ANKHD1: variants seen among roughly 807,000 people sequenced by gnomAD.
The protein encoded by ANKHD1 is ankyrin repeat and KH domain containing 1.
Under a neutral mutation model 230.5 loss-of-function variants are expected in ANKHD1, and 31 were observed. That is an observed-to-expected ratio of 0.13 (90% CI 0.10 to 0.18). ANKHD1 has a LOEUF of 0.18. Ranked by LOEUF, ANKHD1 falls within the 10% of genes least tolerant of loss-of-function variation. The pLI is 1.00. For synonymous variants in ANKHD1, 1,074 were observed against 1,117.6 expected, an observed-to-expected ratio of 0.96 and a Z score of 0.78; for missense variants, 2,256 against 3,071.3, an observed-to-expected ratio of 0.73 and a Z score of 6.27.
rs779492199 is a variant in ANKHD1, at chr5:140,510,178, C to G, written c.4101C>G (p.Arg1367=). The G allele has an allele frequency of 1.3e-5, 20 of 1,597,318 alleles. No individual in the cohort carries two copies. Among genetic ancestry groups the G allele is most frequent in the Non-Finnish European group, 1.7e-5 (20 of 1,169,236 alleles). The change falls in exon 22 of 34, where the codon CGC becomes CGG. Residue 1367 remains arginine (R), a synonymous_variant. Coordinates refer to ENST00000360839, the MANE Select transcript of ANKHD1 (RefSeq NM_017747.3). ...RKITPLMSAF[R]KGHVKVVQYL... ...TCACACCTCTTATGTCAGCATTTCG[C>G]AAGGTAATTTGATATGGGGGAAGAA...
intron 10 of ANKHD1, among the ~76,000 whole-genome samples, chr5:140,480,170 T>C (rs1394738983): frequency 6.6e-6 from 1 of 152,074 alleles, no homozygotes; most frequent in Non-Finnish European, 1.5e-5. Context: ...GGCATTGTTT[T>C]ATCAACTTTT....
Position 140,491,160 on chromosome 5 carries a change from A to ATTTTT in ANKHD1, c.2245+4117_2245+4121dup, listed in dbSNP as rs1222038703. 2.5e-3 allele frequency among the ~76,000 whole-genome samples: 113 copies of ATTTTT among 45,664 alleles called. 4 individuals are homozygous for ATTTTT. The highest frequency in any genetic ancestry group is 0.026 in the Middle Eastern group (1 of 38). 30.0% of individuals were successfully genotyped at this position (45,664 alleles called of 152,430 possible). ...TACACATATATATATATATATATATATTTTTTTTTTTTTTTTTTTTTGAGA... is the reference window on the plus strand; with the variant it reads ...TACACATATATATATATATATATATATTTTTTTTTTTTTTTTTTTTTTTTTTGAGA... On this transcript the variant is annotated intron_variant, in intron 14 of 33. Transcript: ENST00000360839.
At chr5:140,458,464 G>A (rs553992106) in intron 7 of ANKHD1, among the ~76,000 whole-genome samples, 161 bp from the exon 8 acceptor site, 2 of 152,130 alleles carry the variant, frequency 1.3e-5, no homozygotes, top group African/African-American at 4.8e-5. Flanking sequence ...CTTTTGATAA[G>A]GCTCAGATGA....
intron 1 of ANKHD1, among the ~76,000 whole-genome samples, chr5:140,428,950 T>G (rs577558764): frequency 1.1e-3 from 160 of 151,150 alleles, no homozygotes; most frequent in African/African-American, 3.8e-3. Context: ...GTCTGGCAAA[T>G]TTTTTTTGTA....
At chr5:140,500,191 A>G (rs141364832) in intron 15 of ANKHD1, among the ~76,000 whole-genome samples, 60 of 152,280 alleles carry the variant, frequency 3.9e-4, no homozygotes, top group African/African-American at 1.4e-3. Context: ...TCTAATATAG[A>G]AAGAAGATTG....
chr5:140,530,873 A>T (rs191932728), intron 29 of ANKHD1, among the ~76,000 whole-genome samples: 12 of 152,368 alleles, frequency 7.9e-5, no homozygotes, highest in Non-Finnish European at 1.6e-4. Context: ...GTTGTTTAAA[A>T]TTATTTGTGA....
chr5:140,428,196 C>T (rs1436356099), intron 1 of ANKHD1, among the ~76,000 whole-genome samples: 3 of 151,972 alleles, frequency 2.0e-5, no homozygotes, highest in Non-Finnish European at 2.9e-5. Flanking sequence ...AGACGATGGG[C>T]GGCCAGGCAG....
intron 6 of ANKHD1, among the ~76,000 whole-genome samples, chr5:140,446,470 C>T (rs1174628200): frequency 4.6e-5 from 7 of 152,172 alleles, no homozygotes; most frequent in South Asian, 4.1e-4. Context: ...AAGTGATTCT[C>T]GTACCTCAGC....
At chr5:140,438,316 C>G in intron 2 of ANKHD1, 145 bp from the exon 3 acceptor site, 2 of 1,209,722 alleles carry the variant, frequency 1.7e-6, no homozygotes, top group Non-Finnish European at 1.1e-6. Context: ...AATTGATAAG[C>G]CTTATCTTCT....
chr5:140,458,591 C>A (rs765628006), intron 7 of ANKHD1, 34 bp from the exon 8 acceptor site: 2 of 1,560,408 alleles, frequency 1.3e-6, no homozygotes, highest in East Asian at 2.3e-5. Context: ...CAAAAAATTT[C>A]TCTCCTTCTT....
chr5:140,529,773 A>G lies in ANKHD1; in HGVS notation c.6827A>G (p.Gln2276Arg), dbSNP rs1753732925. ...SKAPGFRPPS[Q>R]RVSTSPVGLP... ...GCACCTGGCTTCAGACCACCTTCCC[A>G]GCGAGTTTCTACTAGTCCAGTTGGT... The change falls in exon 29 of 34, where the codon CAG becomes CGG. Residue 2276 changes from glutamine (Q) to arginine (R), a missense_variant. Gln to Arg is a conservative substitution (Grantham distance 43). Transcript: ENST00000360839. The G allele has an allele frequency of 1.2e-6, 2 of 1,614,064 alleles. No individual in the cohort carries two copies. The highest frequency in any genetic ancestry group is 1.1e-5 in the South Asian group (1 of 91,026).
intron 28 of ANKHD1, 30 bp from the exon 29 acceptor site, chr5:140,528,154 G>A (rs748063374): frequency 1.3e-6 from 2 of 1,515,630 alleles, no homozygotes; most frequent in African/African-American, 1.5e-5. Flanking sequence ...AATGTTTTTG[G>A]TCTTGTTTCT....
rs779585222 is a variant in ANKHD1 at position 140,528,896 on chromosome 5, A to G, written c.5950A>G (p.Ser1984Gly). The part of the protein sequence containing the change: ...TVISSVTSTC[S>G]SLPSVSSAPI... ...GATTTCTTCTGTGACAAGCACTTGT[A>G]GTTCCCTGCCTTCTGTCTCCTCTGC... The change falls in exon 29 of 34, where the codon AGT becomes GGT. Residue 1984 changes from serine to glycine, a missense_variant. Around this residue, in one of 13 missense-constraint regions of ANKHD1, gnomAD observed 778 missense variants for 966.5 expected, o/e 0.80. Transcript: ENST00000360839. 1 of 1,614,206 alleles carries G rather than the reference A, an allele frequency of 6.2e-7. No individual in the cohort carries two copies. Among genetic ancestry groups the G allele is most frequent in the Non-Finnish European group, 8.5e-7 (1 of 1,180,034 alleles).
intron 1 of ANKHD1, among the ~76,000 whole-genome samples, chr5:140,412,319 C>T (rs557262760): frequency 2.9e-4 from 44 of 152,164 alleles, no homozygotes; most frequent in Admixed American, 1.1e-3. Flanking sequence ...CGTGAGCCAC[C>T]GTGCCCGGCT....
intron 30 of ANKHD1, 115 bp from the exon 31 acceptor site, chr5:140,537,273 AG>A: frequency 6.9e-7 from 1 of 1,449,258 alleles, no homozygotes; most frequent in East Asian, 2.5e-5. Context: ...CTTTCCAACA[AG>A]GTTTCTCATA....
At chr5:140,467,156 C>T (rs1380509155) in intron 10 of ANKHD1, among the ~76,000 whole-genome samples, 1 of 152,040 alleles carries the variant, frequency 6.6e-6, no homozygotes, top group Non-Finnish European at 1.5e-5. Context: ...TATATAGTCT[C>T]TATAACTCTT....
chr5:140,418,095 G>A (rs1181188817), intron 1 of ANKHD1, among the ~76,000 whole-genome samples: 1 of 151,022 alleles, frequency 6.6e-6, no homozygotes, highest in African/African-American at 2.4e-5. Context: ...GCCCTCCTCG[G>A]CCTCCCAAAG....
At chr5:140,499,118 A>G (rs1752165379) in intron 15 of ANKHD1, among the ~76,000 whole-genome samples, 1 of 152,092 alleles carries the variant, frequency 6.6e-6, no homozygotes, top group African/African-American at 2.4e-5. Context: ...TACAAAAATT[A>G]TCTTCATGTA....
intron 1 of ANKHD1, among the ~76,000 whole-genome samples, chr5:140,403,943 G>C (rs949883448): frequency 6.6e-6 from 1 of 152,008 alleles, no homozygotes; most frequent in Non-Finnish European, 1.5e-5. Context: ...GTCTGAACAG[G>C]GTTTTATTTA....
Sources: gnomAD v4.1 joint callset for allele counts (sites outside exome capture counted in the v4.1 genomes callset) on GRCh38, gnomAD v4.1.1 for gene constraint, gnomAD v4.1.1 regional missense constraint, MANE v1.5 for transcripts, NCBI Gene and HGNC (gene_info 2026-07-23, HGNC 2026-07-21) for gene names.